Variants in PRKCQ observed in about 807,000 individuals in gnomAD.
The protein encoded by PRKCQ is protein kinase C theta, also known as protein kinase C theta type.
A neutral mutation model predicts 91.2 loss-of-function variants in PRKCQ; 41 were observed. The observed-to-expected ratio is 0.45, with a 90% CI of 0.35 to 0.58. The LOEUF (loss-of-function observed/expected upper bound fraction) is 0.58. PRKCQ is among the 20% of genes least tolerant of loss of function. The pLI, the probability that PRKCQ is intolerant of heterozygous loss-of-function variation, is 0.00. For synonymous variants in PRKCQ, 307 were observed against 316.9 expected (o/e 0.97, Z 0.33); for missense variants, 673 against 896.5 (o/e 0.75, Z 3.18).
chr10:6,478,955 T>C (rs780384954), intron 12 of PRKCQ, 37 bp downstream of exon 12: 2 of 1,609,408 alleles, frequency 1.2e-6, no homozygotes, highest in South Asian at 2.2e-5. Context: ...TGAGACAGGT[T>C]AGAGGGGAGG....
At chr10:6,567,430 C>A (rs551571432) in intron 1 of PRKCQ, among the ~76,000 whole-genome samples, 1 of 152,262 alleles carries the variant, frequency 6.6e-6, no homozygotes, top group African/African-American at 2.4e-5. Flanking sequence ...GGCCAGAATG[C>A]ACAAGGTGCC....
At chr10:6,451,335 G>T (rs1265888951) in intron 15 of PRKCQ, among the ~76,000 whole-genome samples, 1 of 152,004 alleles carries the variant, frequency 6.6e-6, no homozygotes, top group African/African-American at 2.4e-5. Context: ...AGAAGAAACG[G>T]ATAAATTCCT....
chr10:6,424,516 A>AG (rs1833073005), downstream of PRKCQ, among the ~76,000 whole-genome samples: 1 of 152,146 alleles, frequency 6.6e-6, no homozygotes. Flanking sequence ...GAGAGGTGGC[A>AG]GGAGAAGTCT....
chr10:6,548,825 T>C (rs1840074121), intron 1 of PRKCQ, among the ~76,000 whole-genome samples: 1 of 151,898 alleles, frequency 6.6e-6, no homozygotes, highest in South Asian at 2.1e-4. Flanking sequence ...ATGGCACACG[T>C]ATACATATGT....
chr10:6,492,238 TAA>T (rs5782902), intron 7 of PRKCQ, among the ~76,000 whole-genome samples: 40,389 of 147,260 alleles, frequency 0.27, 5,491 homozygotes, highest in African/African-American at 0.31. Context: ...TTGGAAGATG[TAA>T]AAAAAAAAAA....
chr10:6,427,154 T>A lies in PRKCQ; in HGVS notation c.*1053A>T, dbSNP rs1168948432. On this transcript the variant is annotated 3_prime_UTR_variant, in exon 18 of 18. Coordinates refer to ENST00000263125, the MANE Select transcript of PRKCQ (RefSeq NM_006257.5). ...TAAACGATTAAGAGGACTCTTTTTT[T>A]TTTTTTATTCCATTTTTACACATCC... The A allele has an allele frequency of 2.0e-5, 3 of 152,038 alleles. No individual in the cohort carries two copies. Among genetic ancestry groups the A allele is most frequent in the African/African-American group, 7.3e-5 (3 of 41,310 alleles). 9.4% of individuals were successfully genotyped at this position (152,038 alleles called of 1,614,324 possible).
At chr10:6,469,471 G>A (rs1012207871) in intron 12 of PRKCQ, among the ~76,000 whole-genome samples, 5 of 152,208 alleles carry the variant, frequency 3.3e-5, no homozygotes, top group African/African-American at 1.2e-4. Flanking sequence ...AGGAAGGAGT[G>A]TGGTTTGAGA....
chr10:6,523,344 G>A (rs1055601376), intron 1 of PRKCQ, among the ~76,000 whole-genome samples: 2 of 151,950 alleles, frequency 1.3e-5, no homozygotes, highest in Admixed American at 1.3e-4. Flanking sequence ...CCGGCTACTC[G>A]GGAGGCCAAA....
chr10:6,507,332 C>A, intron 4 of PRKCQ, 104 bp downstream of exon 4: 1 of 1,174,332 alleles, frequency 8.5e-7, no homozygotes, highest in Non-Finnish European at 1.3e-6. Flanking sequence ...CCTCTCTTTT[C>A]TCCTGATTCT....
chr10:6,488,387 CTTT>C (rs71391841), intron 8 of PRKCQ, among the ~76,000 whole-genome samples: 15 of 140,682 alleles, frequency 1.1e-4, no homozygotes, highest in Non-Finnish European at 1.3e-4. Flanking sequence ...ATAACTATTA[CTTT>C]TTTTTTTTTT....
chr10:6,480,234 C>A (rs111868022), intron 11 of PRKCQ, among the ~76,000 whole-genome samples: 1 of 152,174 alleles, frequency 6.6e-6, no homozygotes, highest in Non-Finnish European at 1.5e-5. Context: ...TTTACACTTA[C>A]GACCTAATTG....
chr10:6,577,970 T>C (rs960590695), intron 1 of PRKCQ, among the ~76,000 whole-genome samples: 2 of 152,224 alleles, frequency 1.3e-5, no homozygotes, highest in Non-Finnish European at 2.9e-5. Context: ...GGTTAAAACA[T>C]CTAATTCATT....
At chr10:6,401,213 C>A in the PRKCQ span, among the ~76,000 whole-genome samples, 1 of 152,184 alleles carries the variant, frequency 6.6e-6, no homozygotes, top group African/African-American at 2.4e-5. Context: ...TGACATGTAT[C>A]TAGCCTTGCA....
chr10:6,505,277 C>G (rs1281650397), intron 4 of PRKCQ, among the ~76,000 whole-genome samples: 1 of 152,192 alleles, frequency 6.6e-6, no homozygotes, highest in Non-Finnish European at 1.5e-5. Context: ...AATTTGCTCT[C>G]TCATTCTAAT....
chr10:6,540,223 G>A (rs1006046192), intron 1 of PRKCQ, among the ~76,000 whole-genome samples: 4 of 152,154 alleles, frequency 2.6e-5, no homozygotes, highest in African/African-American at 9.6e-5. Context: ...TTTTTATTGT[G>A]GTAAAATATA....
At chr10:6,401,937 G>A in the PRKCQ span, among the ~76,000 whole-genome samples, 45 of 152,302 alleles carry the variant, frequency 3.0e-4, 1 homozygote, top group South Asian at 9.3e-3. Context: ...GCTCAGGTCT[G>A]AGGCAGCCCT....
In PRKCQ at chr10:6,427,991, T is replaced by A. The variant is rs1564285028; in HGVS notation, c.*216A>T. On this transcript the variant is annotated 3_prime_UTR_variant, in exon 18 of 18. Transcript: ENST00000263125. ...AATGACCTAACTTCAGGAGCGTCTG[T>A]GAGACATGTCAGGAGACGAGACACA... 3.4e-6 allele frequency: 2 copies of A among 585,922 alleles called. No individual in the cohort carries two copies. Among genetic ancestry groups the A allele is most frequent in the Non-Finnish European group, 6.0e-6 (2 of 335,452 alleles). The allele number at this position is 585,922 out of a possible 1,614,324, so 36.3% of individuals were successfully genotyped here.
the PRKCQ span, among the ~76,000 whole-genome samples, chr10:6,416,301 T>C: frequency 6.6e-6 from 1 of 152,174 alleles, no homozygotes; most frequent in Non-Finnish European, 1.5e-5. Flanking sequence ...TCTGAGATTT[T>C]GGTGCACCCA....
chr10:6,428,762 T>A (rs1241656271), intron 17 of PRKCQ, among the ~76,000 whole-genome samples: 2 of 151,312 alleles, frequency 1.3e-5, no homozygotes, highest in African/African-American at 4.9e-5. Flanking sequence ...AGTGAGGGGG[T>A]GTGAGCGGAG....
Sources: gnomAD v4.1 joint callset for allele counts (sites outside exome capture counted in the v4.1 genomes callset) on GRCh38, gnomAD v4.1.1 for gene constraint, MANE v1.5 for transcripts, NCBI Gene and HGNC (gene_info 2026-07-23, HGNC 2026-07-21) for gene names.